Variants in CFDP1 observed in about 807,000 individuals in gnomAD.
The protein encoded by CFDP1 is chromatin remodeling protein CFDP1, also known as heterochromatin-stabilizing protein CFDP1.
In CFDP1, 31 loss-of-function variants were observed where a neutral mutation model predicts 40.1. The ratio of observed to expected loss-of-function variants is 0.77; its 90% confidence interval spans 0.58 to 1.04. The LOEUF (loss-of-function observed/expected upper bound fraction) is 1.04, where lower values mean the gene tolerates loss of function less well. CFDP1 is among the 50% of genes least tolerant of loss of function. CFDP1 has a pLI of 0.00. For missense variants in CFDP1, 423 were observed against 343.4 expected (o/e 1.23, Z -1.83); for synonymous variants, 167 against 120.0 (o/e 1.39, Z -2.56).
At chr16:75,394,587 T>C (rs749474149) in intron 5 of CFDP1, 1 of 151,860 alleles carries the variant, frequency 6.6e-6, no homozygotes, top group Non-Finnish European at 1.5e-5. Flanking sequence ...TTCAGCTTTG[T>C]GTTCAATACT....
Position 75,430,679 on chromosome 16 carries a change from G to A in CFDP1, c.64+2610C>T, listed in dbSNP as rs141489331. On this transcript the variant is annotated intron_variant, in intron 1 of 6. Coordinates refer to ENST00000283882, the MANE Select transcript of CFDP1 (RefSeq NM_006324.3). ...GGGTTACACCACGTTGGCCAGGCTG[G>A]TCTTGAACTCCTGACCTCAAATGAT... is the stretch of plus-strand genomic sequence containing the variant. Among the ~76,000 whole-genome samples the A allele has an allele frequency of 5.7e-4, 86 of 152,186 alleles. 1 individual carries two copies. The East Asian group carries it at 0.015, about 27-fold the overall frequency.
chr16:75,411,736 T>C (rs1248277231), intron 4 of CFDP1, 89 bp downstream of exon 4: 1 of 1,283,948 alleles, frequency 7.8e-7, no homozygotes. Context: ...TTATGATGGA[T>C]TGAAAAGAGG....
chr16:75,417,146 G>C (rs1266033045), intron 1 of CFDP1, among the ~76,000 whole-genome samples: 1 of 152,116 alleles, frequency 6.6e-6, no homozygotes, highest in Non-Finnish European at 1.5e-5. Context: ...ATTCCAGCCT[G>C]GGTGACAGTG....
chr16:75,430,734 G>C (rs2079403183), intron 1 of CFDP1, among the ~76,000 whole-genome samples: 1 of 152,170 alleles, frequency 6.6e-6, no homozygotes, highest in Non-Finnish European at 1.5e-5. Flanking sequence ...TAAGTGATAG[G>C]ATTATAGGCT....
At chr16:75,324,435 A>G (rs2078389068) in intron 5 of CFDP1, among the ~76,000 whole-genome samples, 1 of 152,092 alleles carries the variant, frequency 6.6e-6, no homozygotes, top group African/African-American at 2.4e-5. Context: ...GAATCCAGAA[A>G]GAAATTTTAA....
At chr16:75,381,739 G>A (rs903634025) in intron 5 of CFDP1, among the ~76,000 whole-genome samples, 1 of 152,158 alleles carries the variant, frequency 6.6e-6, no homozygotes, top group Non-Finnish European at 1.5e-5. Flanking sequence ...GTGGAGTCAA[G>A]GGGATTCAGA....
At chr16:75,356,112 C>T (rs778841405) in intron 5 of CFDP1, among the ~76,000 whole-genome samples, 1 of 152,202 alleles carries the variant, frequency 6.6e-6, no homozygotes, top group Non-Finnish European at 1.5e-5. Flanking sequence ...TTAATGGCAT[C>T]TAGGATAGTG....
chr16:75,414,659 A>G lies in CFDP1; in HGVS notation c.101T>C (p.Val34Ala), dbSNP rs778282880. The change falls in exon 2 of 7, where the codon GTG becomes GCG. Residue 34 changes from valine (V) to alanine (A), a missense_variant. Val to Ala is a moderately conservative substitution (Grantham distance 64). Coordinates refer to ENST00000283882, the MANE Select transcript of CFDP1 (RefSeq NM_006324.3). ...TTCACCATCCACTTCATCTTCCTTC[A>G]CTAATTCATTTACATCATCTTCACT... ...EYSEDDVNEL[V>A]KEDEVDGEEQ... 13 of 1,612,696 alleles carry G rather than the reference A, an allele frequency of 8.1e-6. No individual in the cohort carries two copies. Among genetic ancestry groups the G allele is most frequent in the Non-Finnish European group, 1.0e-5 (12 of 1,179,392 alleles).
At chr16:75,418,358 T>C (rs1294296253) in intron 1 of CFDP1, among the ~76,000 whole-genome samples, 1 of 135,426 alleles carries the variant, frequency 7.4e-6, no homozygotes, top group Non-Finnish European at 1.5e-5. Flanking sequence ...CAGGCTAGAG[T>C]GCAGTGGCAC....
At chr16:75,341,639 G>A (rs117086108) in intron 5 of CFDP1, among the ~76,000 whole-genome samples, 2 of 151,444 alleles carry the variant, frequency 1.3e-5, no homozygotes, top group East Asian at 1.9e-4. Flanking sequence ...ACAGCAGAAG[G>A]TTTCAGCAGA....
intron 5 of CFDP1, among the ~76,000 whole-genome samples, chr16:75,344,090 T>C (rs1375421811): frequency 6.6e-6 from 1 of 152,222 alleles, no homozygotes; most frequent in Non-Finnish European, 1.5e-5. Context: ...CAAGCTGTAA[T>C]AAACCAGTTA....
chr16:75,298,865 G>C (rs1340869445), intron 6 of CFDP1, among the ~76,000 whole-genome samples: 1 of 152,114 alleles, frequency 6.6e-6, no homozygotes, highest in Non-Finnish European at 1.5e-5. Flanking sequence ...TTTTTTTGGA[G>C]AAAGAAAATT....
At chr16:75,305,206 T>C (rs916231219) in intron 5 of CFDP1, 24 bp from the exon 6 acceptor site, 4 of 1,610,964 alleles carry the variant, frequency 2.5e-6, no homozygotes, top group African/African-American at 2.7e-5. Flanking sequence ...ATATGAAAGA[T>C]GTAGCAGGTA....
rs555240818 is a variant in CFDP1 at position 75,347,627 on chromosome 16, T to C, written c.651-42445A>G. On this transcript the variant is annotated intron_variant, in intron 5 of 6. Coordinates refer to ENST00000283882, the MANE Select transcript of CFDP1 (RefSeq NM_006324.3). ...CCGGGAGGCGGAGGTTGCAGTGAGC[T>C]GAGATCGCGCCACTGCACTCCAGCC... is the stretch of plus-strand genomic sequence containing the variant. Among the ~76,000 whole-genome samples the C allele has an allele frequency of 9.2e-5, 14 of 151,808 alleles. No individual in the cohort carries two copies. In the South Asian group the frequency reaches 1.7e-3, roughly 18 times the overall value.
chr16:75,404,848 C>G (rs1042096162), intron 4 of CFDP1, among the ~76,000 whole-genome samples: 1 of 152,124 alleles, frequency 6.6e-6, no homozygotes, highest in Non-Finnish European at 1.5e-5. Flanking sequence ...TAGATTGGAT[C>G]TTAGAGGTGG....
At chr16:75,388,337 T>A (rs1283844302) in intron 5 of CFDP1, among the ~76,000 whole-genome samples, 2 of 152,232 alleles carry the variant, frequency 1.3e-5, no homozygotes, top group Non-Finnish European at 1.5e-5. Context: ...TAAAGAATAT[T>A]TAACCTGTAG....
At chr16:75,354,691 A>G (rs75736262) in intron 5 of CFDP1, among the ~76,000 whole-genome samples, 31 of 107,948 alleles carry the variant, frequency 2.9e-4, no homozygotes, top group South Asian at 1.2e-3. Flanking sequence ...TGGTGGGGAA[A>G]GGGAAAAGTG....
chr16:75,319,960 G>C (rs1330696985), intron 5 of CFDP1, among the ~76,000 whole-genome samples: 1 of 152,190 alleles, frequency 6.6e-6, no homozygotes, highest in Non-Finnish European at 1.5e-5. Context: ...TGCAGGAAAT[G>C]GTTTTCATAG....
intron 5 of CFDP1, among the ~76,000 whole-genome samples, chr16:75,374,615 G>A (rs1003190790): frequency 6.6e-6 from 1 of 151,684 alleles, no homozygotes; most frequent in Admixed American, 6.6e-5. Context: ...CCCGGAGTTT[G>A]AGACCAGCCT....
Sources: gnomAD v4.1 joint callset for allele counts (sites outside exome capture counted in the v4.1 genomes callset) on GRCh38, gnomAD v4.1.1 for gene constraint, MANE v1.5 for transcripts, NCBI Gene and HGNC (gene_info 2026-07-23, HGNC 2026-07-21) for gene names.